Variants in RALGPS1 observed in about 807,000 individuals in gnomAD.
The protein encoded by RALGPS1 is ras-specific guanine nucleotide-releasing factor RalGPS1.
Under a neutral mutation model 78.8 loss-of-function variants are expected in RALGPS1, and 19 were observed. The ratio of observed to expected loss-of-function variants is 0.24; its 90% confidence interval spans 0.17 to 0.35. The LOEUF (loss-of-function observed/expected upper bound fraction) is 0.35. Among genes scored for constraint, RALGPS1 ranks in the 10% least tolerant of loss-of-function variants. RALGPS1 has a pLI of 1.00. For synonymous variants in RALGPS1, 228 were observed against 256.3 expected, an observed-to-expected ratio of 0.89 and a Z score of 1.06; for missense variants, 454 against 688.3, an observed-to-expected ratio of 0.66 and a Z score of 3.81.
intron 3 of RALGPS1, among the ~76,000 whole-genome samples, chr9:126,969,138 G>A (rs2039842286): frequency 6.6e-6 from 1 of 152,184 alleles, no homozygotes; most frequent in African/African-American, 2.4e-5. Context: ...AACCCTGTAT[G>A]TCTAAAATAT....
At chr9:127,095,945 TAAGA>T (rs1013359851) in intron 8 of RALGPS1, among the ~76,000 whole-genome samples, 8 of 152,118 alleles carry the variant, frequency 5.3e-5, no homozygotes, top group African/African-American at 1.4e-4. Flanking sequence ...ATTGCCCCGA[TAAGA>T]AAGATTGGTT....
intron 4 of RALGPS1, among the ~76,000 whole-genome samples, chr9:127,002,324 A>G (rs1452597221): frequency 2.6e-5 from 4 of 151,584 alleles, no homozygotes; most frequent in Admixed American, 6.6e-5. Context: ...TTTGTATAGT[A>G]TTCCATTCAT....
rs540112730 is a variant in RALGPS1 at position 127,186,929 on chromosome 9, T to C, written c.911-8162T>C. Among the ~76,000 whole-genome samples the C allele has an allele frequency of 9.9e-5, 15 of 152,162 alleles. 2 individuals carry two copies. The highest frequency in any genetic ancestry group is 8.5e-4 in the Admixed American group (13 of 15,300). On this transcript the variant is annotated intron_variant, in intron 11 of 18. Coordinates refer to ENST00000259351, the MANE Select transcript of RALGPS1 (RefSeq NM_014636.3). The stretch of plus-strand genomic sequence containing the variant: ...AGACCAAGGGCAAGTCCAGTGGGTT[T>C]GGGAGAGACTGGGCATGGGAATCGG...
chr9:127,083,197 G>A (rs1004744641), intron 8 of RALGPS1, among the ~76,000 whole-genome samples: 2 of 152,186 alleles, frequency 1.3e-5, no homozygotes, highest in Non-Finnish European at 2.9e-5. Flanking sequence ...ACCTACTTCC[G>A]CTGCTTCTCC....
chr9:127,203,409 C>T (rs762280559), intron 14 of RALGPS1, among the ~76,000 whole-genome samples: 5 of 152,250 alleles, frequency 3.3e-5, no homozygotes, highest in South Asian at 4.2e-4. Flanking sequence ...AAGTTGATTA[C>T]GAAACCCTTG....
chr9:126,988,175 G>A (rs184133360), intron 4 of RALGPS1, among the ~76,000 whole-genome samples: 1 of 152,264 alleles, frequency 6.6e-6, no homozygotes, highest in Admixed American at 6.5e-5. Flanking sequence ...TGGCAAGAAA[G>A]GAAGAGCCTC....
intron 8 of RALGPS1, chr9:127,089,058 C>T (rs200073434): frequency 1.4e-5 from 23 of 1,614,092 alleles, no homozygotes; most frequent in Admixed American, 3.3e-5. Context: ...TAATGGCCCC[C>T]GCGGTACCAG....
intron 4 of RALGPS1, among the ~76,000 whole-genome samples, chr9:126,993,775 C>A (rs1196770706): frequency 6.6e-6 from 1 of 152,082 alleles, no homozygotes; most frequent in East Asian, 1.9e-4. Context: ...TGGGAGGCAC[C>A]CCCAGTAGGG....
At chr9:127,166,268 T>C (rs1485864039) in intron 9 of RALGPS1, 62 bp downstream of exon 9, 1 of 1,584,140 alleles carries the variant, frequency 6.3e-7, no homozygotes, top group Non-Finnish European at 8.6e-7. Context: ...GTCTTACCAG[T>C]GAGAAAGCTC....
intron 8 of RALGPS1, among the ~76,000 whole-genome samples, chr9:127,138,486 G>T (rs1027875523): frequency 2.0e-5 from 3 of 152,198 alleles, no homozygotes; most frequent in African/African-American, 7.2e-5. Context: ...CAGTGACAGT[G>T]CAAGAGGCAG....
chr9:126,927,105 G>A (rs376790473), intron 1 of RALGPS1, among the ~76,000 whole-genome samples: 8 of 152,166 alleles, frequency 5.3e-5, no homozygotes, highest in African/African-American at 1.9e-4. Context: ...TAGAGCATCA[G>A]AGTCCTCTGT....
intron 6 of RALGPS1, among the ~76,000 whole-genome samples, chr9:127,050,944 G>C (rs1482541773): frequency 6.6e-6 from 1 of 152,166 alleles, no homozygotes; most frequent in Admixed American, 6.5e-5. Context: ...ATCATATTCA[G>C]TGCTCACATG....
At chr9:127,136,482 A>G (rs1222652459) in intron 8 of RALGPS1, among the ~76,000 whole-genome samples, 1 of 152,142 alleles carries the variant, frequency 6.6e-6, no homozygotes, top group Non-Finnish European at 1.5e-5. Flanking sequence ...TCGCTGCAGA[A>G]GTGGAGTTTG....
At chr9:127,009,135 C>G (rs1465939232) in intron 4 of RALGPS1, among the ~76,000 whole-genome samples, 1 of 152,178 alleles carries the variant, frequency 6.6e-6, no homozygotes, top group Non-Finnish European at 1.5e-5. Context: ...CATTAGGGAG[C>G]CACATAGACT....
At chr9:127,110,064 C>G (rs1589532945) in intron 8 of RALGPS1, among the ~76,000 whole-genome samples, 2 of 152,134 alleles carry the variant, frequency 1.3e-5, no homozygotes, top group African/African-American at 4.8e-5. Context: ...CCTCACATCC[C>G]CTCTGCAGCT....
At chr9:127,112,344 G>A (rs116689258) in intron 8 of RALGPS1, among the ~76,000 whole-genome samples, 1,903 of 152,330 alleles carry the variant, frequency 0.012, 43 homozygotes, top group African/African-American at 0.044. Context: ...AGCCGCCCCC[G>A]ACCCTGGGCT....
intron 4 of RALGPS1, among the ~76,000 whole-genome samples, chr9:127,029,972 G>A (rs2046288530): frequency 6.6e-6 from 1 of 152,182 alleles, no homozygotes; most frequent in African/African-American, 2.4e-5. Context: ...TACAGGTGGG[G>A]GTATTAAGAC....
chr9:126,978,774 G>C (rs1002281397), intron 4 of RALGPS1, among the ~76,000 whole-genome samples: 8 of 152,038 alleles, frequency 5.3e-5, no homozygotes, highest in Non-Finnish European at 1.0e-4. Context: ...CTGCTTTCTT[G>C]TCTGATTTGA....
rs1040338144 is a variant in RALGPS1, at chr9:126,998,302, A to G, written c.216+20557A>G. ...AAAGGGCTAATACCTAGAATCTACA[A>G]TGGACTCAAATTTACAAGAAAAAAA... On this transcript the variant is annotated intron_variant, in intron 4 of 18. Coordinates refer to ENST00000259351, the MANE Select transcript of RALGPS1 (RefSeq NM_014636.3). Among the ~76,000 whole-genome samples the G allele has an allele frequency of 5.3e-5, 8 of 152,212 alleles. No individual in the cohort carries two copies. In the East Asian group the frequency reaches 1.3e-3, roughly 26 times the overall value.
Sources: gnomAD v4.1 joint callset for allele counts (sites outside exome capture counted in the v4.1 genomes callset) on GRCh38, gnomAD v4.1.1 for gene constraint, MANE v1.5 for transcripts, NCBI Gene and HGNC (gene_info 2026-07-23, HGNC 2026-07-21) for gene names.